SLC12A2: variants seen among roughly 807,000 people sequenced by gnomAD.
SLC12A2 encodes solute carrier family 12 member 2, also known as Na-K-2Cl cotransporter 1.
A neutral mutation model predicts 136.3 loss-of-function variants in SLC12A2; 67 were observed. The ratio of observed to expected loss-of-function variants is 0.49; its 90% CI spans 0.40 to 0.60. SLC12A2 has a LOEUF of 0.60. SLC12A2 is among the 20% of genes least tolerant of loss of function. The pLI, the probability that SLC12A2 is intolerant of heterozygous loss-of-function variation, is 0.00. For synonymous variants in SLC12A2, 619 were observed against 562.9 expected (o/e 1.10, Z -1.41); for missense variants, 1,322 against 1,534.7 (o/e 0.86, Z 2.32).
chr5:128,101,306 G>A (rs1760732735), intron 1 of SLC12A2, among the ~76,000 whole-genome samples: 1 of 152,092 alleles, frequency 6.6e-6, no homozygotes, highest in South Asian at 2.1e-4. Context: ...ATTTGCATAT[G>A]TATGCACATA....
At chr5:128,116,598 C>T (rs970309129) in intron 4 of SLC12A2, among the ~76,000 whole-genome samples, 1 of 151,900 alleles carries the variant, frequency 6.6e-6, no homozygotes. Flanking sequence ...AGGGTAAAAA[C>T]CACTTGAAAT....
chr5:128,148,645 G>T (rs1762604687), intron 11 of SLC12A2, 109 bp from the exon 12 acceptor site: 3 of 859,624 alleles, frequency 3.5e-6, no homozygotes, highest in Non-Finnish European at 5.3e-6. Flanking sequence ...TAAAAGAGAT[G>T]ACCAAGAATT....
chr5:128,165,173 C>T (rs142063846), intron 17 of SLC12A2, among the ~76,000 whole-genome samples: 2 of 152,182 alleles, frequency 1.3e-5, no homozygotes, highest in East Asian at 3.9e-4. Context: ...AAGAGACAAT[C>T]TTATCAATAA....
At chr5:128,139,988 T>C (rs1049840839) in intron 9 of SLC12A2, among the ~76,000 whole-genome samples, 2 of 151,380 alleles carry the variant, frequency 1.3e-5, no homozygotes, top group Non-Finnish European at 2.9e-5. Context: ...TTTTTGCTTG[T>C]TTGTTTTTGT....
intron 20 of SLC12A2, among the ~76,000 whole-genome samples, chr5:128,175,035 C>A (rs932801339): frequency 1.3e-5 from 2 of 152,060 alleles, no homozygotes; most frequent in Non-Finnish European, 2.9e-5. Context: ...ATCCACAAAT[C>A]TGTGTCATGT....
At position 128,151,232 on chromosome 5, in the gene SLC12A2, T is replaced by G; in HGVS notation, c.2108-9T>G. The G allele has an allele frequency of 2.5e-6, 4 of 1,598,204 alleles. No individual in the cohort carries two copies. The highest frequency in any genetic ancestry group is 3.4e-6 in the Non-Finnish European group (4 of 1,173,214). ...ATTTGTGTGACTTTTATTTATTTGT[T>G]ATTGTTAGGATGGCGTCCTGCATTC... is the stretch of plus-strand genomic sequence containing the variant. On this transcript the variant is annotated splice_polypyrimidine_tract_variant and intron_variant, in intron 13 of 26. Transcript: ENST00000262461.
chr5:128,168,980 A>C (rs1763287418), intron 18 of SLC12A2: 1 of 152,128 alleles, frequency 6.6e-6, no homozygotes, highest in Non-Finnish European at 1.5e-5. Context: ...GTGGATGTTT[A>C]ATGTAATCTA....
At chr5:128,165,927 C>A (rs76041804) in intron 17 of SLC12A2, among the ~76,000 whole-genome samples, 36,514 of 136,510 alleles carry the variant, frequency 0.27, 7,238 homozygotes, top group African/African-American at 0.35. Flanking sequence ...CTCCCCCCCC[C>A]CCCCCCAGTT....
chr5:128,112,192 A>G (rs954478164), intron 1 of SLC12A2, among the ~76,000 whole-genome samples: 4 of 152,190 alleles, frequency 2.6e-5, no homozygotes, highest in Non-Finnish European at 5.9e-5. Flanking sequence ...CTAAAAACCT[A>G]AAAAGGAAAC....
chr5:128,142,687 C>T (rs72794385), intron 10 of SLC12A2, among the ~76,000 whole-genome samples: 2,678 of 152,024 alleles, frequency 0.018, 35 homozygotes, highest in Non-Finnish European at 0.028. Flanking sequence ...TGTCCTTGTG[C>T]CAGTACCACA....
chr5:128,178,776 A>G (rs1419023791), intron 22 of SLC12A2, 87 bp downstream of exon 22: 2 of 1,019,782 alleles, frequency 2.0e-6, no homozygotes, highest in Non-Finnish European at 2.7e-6. Context: ...TTACCTGTGG[A>G]CCCCATTCAA....
At chr5:128,177,063 A>G in intron 20 of SLC12A2, 42 bp from the exon 21 acceptor site, 1 of 1,253,748 alleles carries the variant, frequency 8.0e-7, no homozygotes, top group Non-Finnish European at 1.1e-6. Context: ...TATTAATATA[A>G]AGGCAATTAA....
At chr5:128,168,094 A>G (rs931848960) in intron 18 of SLC12A2, 1 of 353,538 alleles carries the variant, frequency 2.8e-6, no homozygotes, top group Admixed American at 4.7e-5. Flanking sequence ...ATATACACAC[A>G]CACACACATA....
intron 16 of SLC12A2, among the ~76,000 whole-genome samples, chr5:128,159,552 T>C (rs1762968146): frequency 6.6e-6 from 1 of 151,926 alleles, no homozygotes; most frequent in African/African-American, 2.4e-5. Context: ...TTAAACAAAT[T>C]TACAAGAAAA....
intron 14 of SLC12A2, among the ~76,000 whole-genome samples, chr5:128,152,462 C>CA (rs777695302): frequency 4.6e-5 from 7 of 152,280 alleles, no homozygotes; most frequent in Non-Finnish European, 8.8e-5. Context: ...GTTGTATGCA[C>CA]AGCATGTCTG....
intron 1 of SLC12A2, among the ~76,000 whole-genome samples, chr5:128,100,440 T>C (rs1048161516): frequency 1.3e-5 from 2 of 152,146 alleles, no homozygotes; most frequent in East Asian, 3.8e-4. Flanking sequence ...TGGAGCATTT[T>C]GGATTAGGGA....
rs1402406551 is a variant in SLC12A2 at position 128,112,904 on chromosome 5, G to A, written c.847G>A (p.Val283Met). 18 of 1,612,570 alleles carry A rather than the reference G, an allele frequency of 1.1e-5. No individual in the cohort carries two copies. The highest frequency in any genetic ancestry group is 4.0e-5 in the African/African-American group (3 of 74,870). ...GTATACTGCAGAAAGTAAAGGAGTC[G>A]TGAAGTTTGGCTGGATCAAGGGTGT... ...VTYTAESKGV[V>M]KFGWIKGVLV... Residue 283 changes from valine (V) to methionine (M), a missense_variant, in exon 2 of 27, where the codon GTG becomes ATG. Around this residue, in one of 8 missense-constraint regions of SLC12A2, gnomAD observed 59 missense variants for 51.5 expected, o/e 1.15. Transcript: ENST00000262461.
Position 128,186,481 on chromosome 5 carries a change from T to A in SLC12A2, c.3504-15T>A. ...TCAGGGTTTTTTTTTTTTCTTTTTC[T>A]CTTTTTGATACCAGGAGTCTCCCAG... On this transcript the variant is annotated splice_polypyrimidine_tract_variant and intron_variant, in intron 26 of 26. Coordinates refer to ENST00000262461, the MANE Select transcript of SLC12A2 (RefSeq NM_001046.3). 1 of 1,571,548 alleles carries A rather than the reference T, an allele frequency of 6.4e-7. No individual in the cohort carries two copies. Among genetic ancestry groups the A allele is most frequent in the Non-Finnish European group, 8.6e-7 (1 of 1,166,960 alleles).
chr5:128,114,532 G>A (rs369392529), intron 3 of SLC12A2, 54 bp from the exon 4 acceptor site: 63 of 1,214,520 alleles, frequency 5.2e-5, no homozygotes, highest in Non-Finnish European at 6.9e-5. Flanking sequence ...TTTAGATACC[G>A]ATGAGCTTAA....
Sources: gnomAD v4.1 joint callset for allele counts (sites outside exome capture counted in the v4.1 genomes callset) on GRCh38, gnomAD v4.1.1 for gene constraint, gnomAD v4.1.1 regional missense constraint, MANE v1.5 for transcripts, NCBI Gene and HGNC (gene_info 2026-07-23, HGNC 2026-07-21) for gene names.